The following PARD3B variants were observed in gnomAD, a reference collection of about 807,000 sequenced individuals.
The protein encoded by PARD3B is partitioning defective 3 homolog B.
A neutral mutation model predicts 130.2 loss-of-function variants in PARD3B; 103 were observed. That is an observed-to-expected ratio of 0.79 (90% CI 0.67 to 0.93). The LOEUF is 0.93. Ranked by LOEUF, PARD3B falls within the 40% of genes least tolerant of loss-of-function variation. PARD3B has a pLI of 0.00. For missense variants in PARD3B, 1,609 were observed against 1,499.2 expected, an observed-to-expected ratio of 1.07 and a Z score of -1.21; for synonymous variants, 583 against 553.2, an observed-to-expected ratio of 1.05 and a Z score of -0.76.
At chr2:205,173,020 A>T (rs1264023002) in intron 12 of PARD3B, among the ~76,000 whole-genome samples, 2 of 152,102 alleles carry the variant, frequency 1.3e-5, no homozygotes, top group African/African-American at 4.8e-5. Context: ...CTAAAACATT[A>T]TTTTCTCTTA....
chr2:204,814,295 G>T (rs972301401), intron 2 of PARD3B, among the ~76,000 whole-genome samples: 1 of 150,498 alleles, frequency 6.6e-6, no homozygotes, highest in African/African-American at 2.4e-5. Flanking sequence ...GATTTTTTTC[G>T]TATTGACCTT....
rs771235147 is a variant in PARD3B at position 205,268,901 on chromosome 2, C to T, written c.2185+23079C>T. Reference sequence around the variant, plus strand: ...ACTGTCTTACCAGTGATGTTATTTGCGGACTAAAGTTTCTCAAAAGGAAGA... The same window carrying T: ...ACTGTCTTACCAGTGATGTTATTTGTGGACTAAAGTTTCTCAAAAGGAAGA... On this transcript the variant is annotated intron_variant, in intron 16 of 22. Coordinates refer to ENST00000406610, the MANE Select transcript of PARD3B (RefSeq NM_001302769.2). The surrounding 1 kb of genome is among the most constrained non-coding windows in gnomAD (Gnocchi z 4.1). Among the ~76,000 whole-genome samples the T allele has an allele frequency of 9.2e-5, 14 of 152,024 alleles. No individual in the cohort carries two copies. Among genetic ancestry groups the T allele is most frequent in the East Asian group, 7.7e-4 (4 of 5,176 alleles).
At chr2:205,484,518 G>A (rs2049364171) in intron 20 of PARD3B, among the ~76,000 whole-genome samples, 1 of 152,204 alleles carries the variant, frequency 6.6e-6, no homozygotes, top group African/African-American at 2.4e-5. Flanking sequence ...AGAAGCTAAA[G>A]TTGTTGGTTT....
At chr2:205,553,485 G>C in intron 22 of PARD3B, 82 bp downstream of exon 22, 1 of 1,409,422 alleles carries the variant, frequency 7.1e-7, no homozygotes, top group East Asian at 2.3e-5. Flanking sequence ...AGAAATTCTG[G>C]CTTTGAAATA....
chr2:205,450,463 A>ATTTTT (rs1559106458), intron 20 of PARD3B, among the ~76,000 whole-genome samples: 7 of 124,080 alleles, frequency 5.6e-5, no homozygotes, highest in Non-Finnish European at 1.1e-4. Flanking sequence ...TTAAGTGCAG[A>ATTTTT]TTCTTTTTTT....
intron 6 of PARD3B, among the ~76,000 whole-genome samples, chr2:205,118,161 C>T (rs1367515421): frequency 1.3e-5 from 2 of 152,200 alleles, no homozygotes; most frequent in Non-Finnish European, 2.9e-5. Context: ...ATGCCCCCCT[C>T]CAGGTCCATC....
At chr2:204,900,994 A>C (rs1449634117) in intron 2 of PARD3B, among the ~76,000 whole-genome samples, 7 of 146,048 alleles carry the variant, frequency 4.8e-5, no homozygotes, top group Non-Finnish European at 9.3e-5. Context: ...GTCTCTGCTG[A>C]GCTTCCTGGA....
chr2:204,976,258 G>T (rs1234044099), intron 3 of PARD3B, among the ~76,000 whole-genome samples: 1 of 152,152 alleles, frequency 6.6e-6, no homozygotes, highest in African/African-American at 2.4e-5. Context: ...TTACAGCAGT[G>T]TAGTGTAGAA....
At chr2:204,963,792 C>G (rs1268061170) in intron 2 of PARD3B, among the ~76,000 whole-genome samples, 1 of 152,108 alleles carries the variant, frequency 6.6e-6, no homozygotes, top group African/African-American at 2.4e-5. Context: ...ATAGAAAATG[C>G]ATGTGCTCAA....
chr2:204,655,146 G>A (rs563001320), intron 1 of PARD3B, among the ~76,000 whole-genome samples: 61 of 152,274 alleles, frequency 4.0e-4, no homozygotes, highest in African/African-American at 1.3e-3. Flanking sequence ...ATCTCTTCCT[G>A]TTGATTCTCC....
At chr2:204,919,835 A>G (rs1410016149) in intron 2 of PARD3B, among the ~76,000 whole-genome samples, 1 of 152,182 alleles carries the variant, frequency 6.6e-6, no homozygotes, top group Non-Finnish European at 1.5e-5. Context: ...CTGTGTATAT[A>G]AGAGGCTTTT....
In PARD3B at chr2:205,618,250, C is replaced by T. The variant is rs1407934868; in HGVS notation, c.*2437C>T. ...TAACACACGCTCCATTTGATCCTGCCTGAAAGAAGCTAACATTATATTTGT... is the reference window on the plus strand; with the variant it reads ...TAACACACGCTCCATTTGATCCTGCTTGAAAGAAGCTAACATTATATTTGT... On this transcript the variant is annotated 3_prime_UTR_variant, in exon 23 of 23. Coordinates refer to ENST00000406610, the MANE Select transcript of PARD3B (RefSeq NM_001302769.2). 6.6e-6 allele frequency: 1 copy of T among 152,218 alleles called. No homozygotes were observed. Among genetic ancestry groups the T allele is most frequent in the East Asian group, 1.9e-4 (1 of 5,200 alleles). 9.4% of individuals were successfully genotyped at this position (152,218 alleles called of 1,614,324 possible). A position where few individuals can be genotyped will look rare whatever the true frequency, so the allele number is the denominator to read the frequency against.
At chr2:205,170,289 C>T (rs905476257) in intron 11 of PARD3B, among the ~76,000 whole-genome samples, 1 of 152,126 alleles carries the variant, frequency 6.6e-6, no homozygotes, top group African/African-American at 2.4e-5. Flanking sequence ...AATTGGATAA[C>T]AGAAATGAAG....
chr2:204,654,202 C>T (rs778873895), intron 1 of PARD3B, among the ~76,000 whole-genome samples: 7 of 151,090 alleles, frequency 4.6e-5, no homozygotes, highest in African/African-American at 1.5e-4. Context: ...GTGAGTGTGC[C>T]TGTGTTCATC....
At chr2:204,961,068 A>G (rs1690704210) in intron 2 of PARD3B, among the ~76,000 whole-genome samples, 2 of 152,206 alleles carry the variant, frequency 1.3e-5, no homozygotes, top group Admixed American at 6.5e-5. Context: ...GGGCGGGATC[A>G]GCAGAACACG....
chr2:205,092,515 C>T (rs1183020590), intron 4 of PARD3B, among the ~76,000 whole-genome samples: 1 of 152,036 alleles, frequency 6.6e-6, no homozygotes, highest in Non-Finnish European at 1.5e-5. Flanking sequence ...TTTGGAGGTA[C>T]TTGGGAGGTG....
chr2:205,512,421 A>G (rs1003079850), intron 21 of PARD3B, among the ~76,000 whole-genome samples: 1 of 152,186 alleles, frequency 6.6e-6, no homozygotes, highest in African/African-American at 2.4e-5. Flanking sequence ...GCTTCTGTGA[A>G]GCAGTGGAGT....
At chr2:205,494,268 T>C (rs544635768) in intron 20 of PARD3B, among the ~76,000 whole-genome samples, 1 of 152,294 alleles carries the variant, frequency 6.6e-6, no homozygotes, top group South Asian at 2.1e-4. Flanking sequence ...TATATTTACA[T>C]AGATGCCCAC....
Position 204,623,691 on chromosome 2 carries a change from A to G in PARD3B, c.121-62490A>G, listed in dbSNP as rs779897993. ...ATCTGTCCTCTTAACACTTTTGAAC[A>G]CATTTTAAGTATATAATACAGCAGT... On this transcript the variant is annotated intron_variant, in intron 1 of 22. Coordinates refer to ENST00000406610, the MANE Select transcript of PARD3B (RefSeq NM_001302769.2). This position sits in a 1 kb window ranked among gnomAD's most constrained non-coding sequence, Gnocchi z 4.5. Among the ~76,000 whole-genome samples the G allele has an allele frequency of 6.6e-5, 10 of 152,162 alleles. No homozygotes were observed. Among genetic ancestry groups the G allele is most frequent in the Non-Finnish European group, 1.3e-4 (9 of 68,018 alleles).
Sources: gnomAD v4.1 joint callset for allele counts (sites outside exome capture counted in the v4.1 genomes callset) on GRCh38, gnomAD v4.1.1 for gene constraint, Gnocchi (gnomAD v3.1) non-coding constraint, MANE v1.5 for transcripts, NCBI Gene and HGNC (gene_info 2026-07-23, HGNC 2026-07-21) for gene names.